COQ6: variants seen among roughly 807,000 people sequenced by gnomAD.
COQ6 encodes ubiquinone biosynthesis monooxygenase COQ6, mitochondrial.
In COQ6, 45 loss-of-function variants were observed where a neutral mutation model predicts 55.5. The ratio of observed to expected loss-of-function variants is 0.81; its 90% CI spans 0.64 to 1.04. The LOEUF is 1.04. COQ6 is among the 50% of genes least tolerant of loss of function. The probability of loss-of-function intolerance (pLI) is 0.00; values close to 1 mark genes in which losing one functional copy is unlikely to be tolerated. For synonymous variants in COQ6, 206 were observed against 230.5 expected, an observed-to-expected ratio of 0.89 and a Z score of 0.96; for missense variants, 550 against 601.3, an observed-to-expected ratio of 0.91 and a Z score of 0.89.
intron 4 of COQ6, 22 bp downstream of exon 4, chr14:73,955,950 T>C (rs774488472): frequency 2.5e-6 from 4 of 1,613,646 alleles, no homozygotes; most frequent in East Asian, 2.2e-5. Flanking sequence ...ATCTTCCACC[T>C]TGCATTCATT....
rs1478746784 is a variant in COQ6 at position 73,955,897 on chromosome 14, T to C, written c.450T>C (p.His150=). ...TCGTGGAGAATGATGTCATCATGCA[T>C]GCTCTCACTAAGCAGTTGGAGGCTG... ...GYIVENDVIM[H]ALTKQLEAVS... Residue 150 remains histidine (H), a synonymous_variant, in exon 4 of 12, where the codon CAT becomes CAC. Transcript: ENST00000334571. 1 of 1,614,182 alleles carries C rather than the reference T, an allele frequency of 6.2e-7. No homozygotes were observed. Among genetic ancestry groups the C allele is most frequent in the East Asian group, 2.2e-5 (1 of 44,888 alleles).
chr14:73,960,930 G>T (rs1594812237), intron 8 of COQ6: 2 of 599,716 alleles, frequency 3.3e-6, no homozygotes, highest in South Asian at 3.7e-5. Flanking sequence ...GGGGACTAGT[G>T]AAAGGTGAAG....
upstream of COQ6, chr14:73,950,052 C>CAGTGACAGCGAT (rs547039179): frequency 5.9e-4 from 956 of 1,610,690 alleles, 4 homozygotes; most frequent in Middle Eastern, 3.3e-3. Flanking sequence ...GCAGCAGCGA[C>CAGTGACAGCGAT]AGTGACAGCG....
At chr14:73,955,424 C>G in intron 2 of COQ6, 27 bp from the exon 3 acceptor site, 2 of 1,601,984 alleles carry the variant, frequency 1.2e-6, no homozygotes, top group African/African-American at 1.3e-5. Flanking sequence ...TGAAGTCACT[C>G]TGGTCTATAG....
chr14:73,955,286 G>C, intron 2 of COQ6, 165 bp from the exon 3 acceptor site: 1 of 697,676 alleles, frequency 1.4e-6, no homozygotes, highest in Non-Finnish European at 2.6e-6. Flanking sequence ...ATACAACCTG[G>C]AACTGGGGAA....
chr14:73,949,984 C>T (rs1284584273), upstream of COQ6: 6 of 1,613,422 alleles, frequency 3.7e-6, no homozygotes, highest in East Asian at 2.2e-5. Flanking sequence ...TGACGGCTCC[C>T]CTCCGCGCCT....
upstream of COQ6, chr14:73,950,108 C>T: frequency 1.9e-6 from 3 of 1,602,640 alleles, no homozygotes; most frequent in Non-Finnish European, 2.5e-6. Context: ...GGGCCAGGGT[C>T]CACCCCTTTC....
chr14:73,960,599 C>CATTA lies in COQ6; in HGVS notation c.892-570_892-567dup, dbSNP rs1162706143. The CATTA allele has an allele frequency of 2.9e-6, 3 of 1,039,246 alleles. No individual in the cohort carries two copies. In the African/African-American group the frequency reaches 5.1e-5, roughly 18 times the overall value. The allele number at this position is 1,039,246 out of a possible 1,614,324, so 64.4% of individuals were successfully genotyped here. ...GGTCCTCTGCAGTGCAGTCATTCAC[C>CATTA]ATTAATTGTCCTTTCTATGTAGCAG... On this transcript the variant is annotated intron_variant, in intron 8 of 11. Transcript: ENST00000334571.
At chr14:73,959,583 T>G (rs756613702) in intron 8 of COQ6, 61 bp downstream of exon 8, 12 of 1,547,320 alleles carry the variant, frequency 7.8e-6, no homozygotes, top group South Asian at 1.1e-5. Flanking sequence ...AAGGTGTTGT[T>G]TTTTTTTTTT....
intron 4 of COQ6, chr14:73,957,945 A>G: frequency 1.8e-6 from 1 of 559,514 alleles, no homozygotes. Context: ...TGAGAACTTC[A>G]ATGTCTTTTT....
chr14:73,956,095 C>T lies in COQ6; in HGVS notation c.481+167C>T, dbSNP rs112435952. Reference sequence around the variant, plus strand: ...ATCCCAGCACTTTTGGAGGCTAAGGCGGGCGGATCACGAGGTCAGGAGATG... The same window carrying T: ...ATCCCAGCACTTTTGGAGGCTAAGGTGGGCGGATCACGAGGTCAGGAGATG... On this transcript the variant is annotated intron_variant, in intron 4 of 11. Coordinates refer to ENST00000334571, the MANE Select transcript of COQ6 (RefSeq NM_182476.3). The T allele has an allele frequency of 5.6e-4, 491 of 870,444 alleles. 1 individual carries two copies. Among genetic ancestry groups the T allele is most frequent in the Non-Finnish European group, 5.3e-4 (288 of 548,246 alleles). The allele number at this position is 870,444 out of a possible 1,614,324, so 53.9% of individuals were successfully genotyped here.
upstream of COQ6, chr14:73,949,962 T>C (rs17094157): frequency 0.073 from 117,209 of 1,613,316 alleles, 6,996 homozygotes; most frequent in South Asian, 0.27. Flanking sequence ...CAGTCTCTTT[T>C]CTCTCCTCAC....
Position 73,950,416 on chromosome 14 carries a change from C to G in COQ6, c.84C>G (p.Ser28=). The G allele has an allele frequency of 6.3e-7, 1 of 1,599,704 alleles. No individual in the cohort carries two copies. Among genetic ancestry groups the G allele is most frequent in the Non-Finnish European group, 8.5e-7 (1 of 1,173,286 alleles). Residue 28 remains serine, a synonymous_variant, in exon 1 of 12, where the codon TCC becomes TCG. Transcript: ENST00000334571. ...SGPLVSWRRW[S]GASTDTVYDV... is the part of the protein sequence containing the mutation. Reference sequence around the variant, plus strand: ...CGCTGGTGTCCTGGCGCAGGTGGTCCGGCGCCTCAACAGACACCGTGTATG... The same window carrying G: ...CGCTGGTGTCCTGGCGCAGGTGGTCGGGCGCCTCAACAGACACCGTGTATG...
At chr14:73,957,737 C>A (rs938741945) in intron 4 of COQ6, among the ~76,000 whole-genome samples, 1 of 152,020 alleles carries the variant, frequency 6.6e-6, no homozygotes, top group Admixed American at 6.6e-5. Flanking sequence ...GGCCATAGAG[C>A]GTATTGTTTT....
At chr14:73,952,439 CTTTTT>C (rs922671343) in intron 1 of COQ6, among the ~76,000 whole-genome samples, 8 of 151,556 alleles carry the variant, frequency 5.3e-5, no homozygotes, top group African/African-American at 1.2e-4. Flanking sequence ...CTTTTCTTTT[CTTTTT>C]TGTAGTTTTT....
chr14:73,953,424 C>T lies in COQ6; in HGVS notation c.164-11C>T, dbSNP rs3213692. ...ATTTTCCTAAGATGATATAAATTTT[C>T]TTTTTTTAAGGATATGATATTCACT... On this transcript the variant is annotated splice_polypyrimidine_tract_variant and intron_variant, in intron 1 of 11. Coordinates refer to ENST00000334571, the MANE Select transcript of COQ6 (RefSeq NM_182476.3). 0.21 allele frequency: 329,310 copies of T among 1,589,904 alleles called. 32,550 individuals carry two copies. The highest frequency in any genetic ancestry group is 0.38 in the East Asian group (16,827 of 44,296).
chr14:73,959,478 A>G lies in COQ6; in HGVS notation c.847A>G (p.Ser283Gly), dbSNP rs1473208898. The G allele has an allele frequency of 6.2e-7, 1 of 1,614,224 alleles. No individual in the cohort carries two copies. Among genetic ancestry groups the G allele is most frequent in the East Asian group, 2.2e-5 (1 of 44,886 alleles). ...TSHEHAAELVSMDEEKFVDAV... is the reference protein window; with the variant it reads ...TSHEHAAELVGMDEEKFVDAV... ...CCATGAACATGCAGCAGAGCTAGTT[A>G]GCATGGATGAGGAAAAATTTGTGGA... is the stretch of plus-strand genomic sequence containing the variant. The change falls in exon 8 of 12, where the codon AGC becomes GGC. Residue 283 changes from serine (S) to glycine (G), a missense_variant. Coordinates refer to ENST00000334571, the MANE Select transcript of COQ6 (RefSeq NM_182476.3).
At chr14:73,955,716 G>T in intron 3 of COQ6, 89 bp from the exon 4 acceptor site, 4 of 1,584,278 alleles carry the variant, frequency 2.5e-6, no homozygotes, top group Non-Finnish European at 3.5e-6. Flanking sequence ...GTGATTTTCT[G>T]CTCTGTCACT....
At chr14:73,957,896 A>T in intron 4 of COQ6, 2 of 466,580 alleles carry the variant, frequency 4.3e-6, no homozygotes, top group Admixed American at 3.3e-5. Flanking sequence ...GCGCAGAAGC[A>T]TGTGGACAGT....
Sources: allele counts gnomAD v4.1 joint callset (sites outside exome capture counted in the v4.1 genomes callset), GRCh38; gene constraint gnomAD v4.1.1; transcripts MANE v1.5; gene names NCBI Gene and HGNC (gene_info 2026-07-23, HGNC 2026-07-21).